The following CD274 variants were observed in gnomAD, a reference collection of about 807,000 sequenced individuals.
CD274 encodes the protein programmed cell death 1 ligand 1.
In CD274, 8 loss-of-function variants were observed where a neutral mutation model predicts 30.1. That is an observed-to-expected ratio of 0.27 (90% CI 0.16 to 0.48). CD274 has a LOEUF of 0.48. CD274 is among the 20% of genes least tolerant of loss of function. The probability of loss-of-function intolerance (pLI) is 0.99; values close to 1 mark genes in which losing one functional copy is unlikely to be tolerated. For synonymous variants in CD274, 152 were observed against 124.6 expected, an observed-to-expected ratio of 1.22 and a Z score of -1.46; for missense variants, 353 against 346.6, an observed-to-expected ratio of 1.02 and a Z score of -0.15.
Position 5,467,863 on chromosome 9 carries a change from T to A in CD274, c.*1T>A, listed in dbSNP as rs753268632. On this transcript the variant is annotated 3_prime_UTR_variant, in exon 7 of 7. Coordinates refer to ENST00000381577, the MANE Select transcript of CD274 (RefSeq NM_014143.4). Reference sequence around the variant, plus strand: ...AGATACACATTTGGAGGAGACGTAATCCAGCATTGGAACTTCTGATCTTCA... The same window carrying A: ...AGATACACATTTGGAGGAGACGTAAACCAGCATTGGAACTTCTGATCTTCA... 25 of 1,609,632 alleles carry A rather than the reference T, an allele frequency of 1.6e-5. No individual in the cohort carries two copies. The Admixed American group carries it at 4.2e-4, about 27-fold the overall frequency.
At position 5,455,702 on chromosome 9, in the gene CD274, G is replaced by C. The variant is rs549883515; in HGVS notation, c.-14-398G>C. The stretch of plus-strand genomic sequence containing the variant: ...GAAAAAGCATTGACAGGTTGGAAAA[G>C]TAAAAGTCAGATTCTCCTTGCTCTG... On this transcript the variant is annotated intron_variant, in intron 1 of 6. Coordinates refer to ENST00000381577, the MANE Select transcript of CD274 (RefSeq NM_014143.4). Among the ~76,000 whole-genome samples the C allele has an allele frequency of 2.6e-5, 4 of 152,314 alleles. No individual in the cohort carries two copies. In the South Asian group the frequency reaches 6.2e-4, roughly 24 times the overall value.
At chr9:5,451,978 C>T (rs1226650555) in intron 1 of CD274, among the ~76,000 whole-genome samples, 1 of 151,614 alleles carries the variant, frequency 6.6e-6, no homozygotes, top group African/African-American at 2.4e-5. Flanking sequence ...ACCATGCAGG[C>T]CTCTTGCTCC....
At chr9:5,453,316 C>G (rs2131204447) in intron 1 of CD274, among the ~76,000 whole-genome samples, 1 of 152,286 alleles carries the variant, frequency 6.6e-6, no homozygotes, top group South Asian at 2.1e-4. Context: ...ATGATCAGAT[C>G]TTTCAAATTA....
At chr9:5,461,104 T>C (rs1563804245) in intron 3 of CD274, among the ~76,000 whole-genome samples, 1 of 152,214 alleles carries the variant, frequency 6.6e-6, no homozygotes. Flanking sequence ...GGGTGAACTT[T>C]ATCATTAACA....
At chr9:5,455,832 G>A (rs1007812339) in intron 1 of CD274, among the ~76,000 whole-genome samples, 1 of 152,144 alleles carries the variant, frequency 6.6e-6, no homozygotes, top group Non-Finnish European at 1.5e-5. Flanking sequence ...CTTCTTTTGA[G>A]TGGGCAGATT....
At position 5,457,059 on chromosome 9, in the gene CD274, T is replaced by C. The variant is rs2131210762; in HGVS notation, c.53-20T>C. The C allele has an allele frequency of 6.5e-7, 1 of 1,544,598 alleles. No individual in the cohort carries two copies. Among genetic ancestry groups the C allele is most frequent in the African/African-American group, 1.4e-5 (1 of 73,326 alleles). On this transcript the variant is annotated intron_variant, in intron 2 of 6. Transcript: ENST00000381577. ...CGAGGAATTTTCCCTTTTCTGAAGA[T>C]TGTCCTTCTTTCTTTTTAGCATTTA...
chr9:5,451,985 C>T (rs1456329322), intron 1 of CD274, among the ~76,000 whole-genome samples: 1 of 151,010 alleles, frequency 6.6e-6, no homozygotes, highest in African/African-American at 2.4e-5. Flanking sequence ...AGGCCTCTTG[C>T]TCCTACTTTT....
intron 6 of CD274, among the ~76,000 whole-genome samples, chr9:5,467,094 G>A (rs1445411326): frequency 2.0e-5 from 3 of 152,014 alleles, no homozygotes; most frequent in Non-Finnish European, 2.9e-5. Context: ...TGACTTAGGT[G>A]GATGGATAAT....
intron 2 of CD274, among the ~76,000 whole-genome samples, chr9:5,456,806 A>T (rs1043329676): frequency 1.3e-5 from 2 of 152,240 alleles, no homozygotes; most frequent in Non-Finnish European, 2.9e-5. Context: ...CCATCTCCAT[A>T]TAATATTTAT....
chr9:5,467,180 C>A (rs541466757), intron 6 of CD274, among the ~76,000 whole-genome samples: 4 of 143,158 alleles, frequency 2.8e-5, no homozygotes, highest in African/African-American at 1.1e-4. Context: ...CTCATTTAAT[C>A]CCCCACCCCT....
chr9:5,465,070 G>C (rs1362471681), intron 4 of CD274, among the ~76,000 whole-genome samples: 1 of 139,420 alleles, frequency 7.2e-6, no homozygotes, highest in East Asian at 2.1e-4. Context: ...CTGGGCAACA[G>C]AGAAAGACTC....
intron 1 of CD274, among the ~76,000 whole-genome samples, chr9:5,453,522 A>T (rs560491481): frequency 1.3e-5 from 2 of 152,326 alleles, no homozygotes; most frequent in South Asian, 2.1e-4. Flanking sequence ...ACACACAAAT[A>T]CTTATGATAT....
chr9:5,469,621 CT>C lies in CD274; in HGVS notation c.*1762del, dbSNP rs1819554595. ...TCCCAGGGCTGAGGATCCATGCCTT[CT>C]TTGTTTCTAAGTTATCTTTCCCATA... On this transcript the variant is annotated 3_prime_UTR_variant, in exon 7 of 7. Coordinates refer to ENST00000381577, the MANE Select transcript of CD274 (RefSeq NM_014143.4). 1 of 232,042 alleles carries C rather than the reference CT, an allele frequency of 4.3e-6. No homozygotes were observed. The highest frequency in any genetic ancestry group is 1.8e-4 in the South Asian group (1 of 5,518). 14.4% of individuals were successfully genotyped at this position (232,042 alleles called of 1,614,324 possible).
At chr9:5,464,434 T>G (rs1254824802) in intron 4 of CD274, among the ~76,000 whole-genome samples, 3 of 152,132 alleles carry the variant, frequency 2.0e-5, no homozygotes, top group Non-Finnish European at 4.4e-5. Context: ...TGTTGTTGTG[T>G]CTTTAAAGTT....
intron 2 of CD274, 37 bp downstream of exon 2, chr9:5,456,202 T>C (rs1819299357): frequency 7.3e-7 from 1 of 1,361,736 alleles, no homozygotes; most frequent in African/African-American, 1.4e-5. Flanking sequence ...TTCTATATTT[T>C]AAATATTTTA....
intron 1 of CD274, among the ~76,000 whole-genome samples, chr9:5,452,481 T>A (rs1819225026): frequency 6.6e-6 from 1 of 152,266 alleles, no homozygotes; most frequent in Non-Finnish European, 1.5e-5. Flanking sequence ...CATTGCTCTT[T>A]AAATGTCTCC....
rs1288583492 is a variant in CD274 at position 5,462,975 on chromosome 9, C to T, written c.536C>T (p.Thr179Ile). The stretch of plus-strand genomic sequence containing the variant: ...GACCATCAAGTCCTGAGTGGTAAGA[C>T]CACCACCACCAATTCCAAGAGAGAG... ...SSDHQVLSGK[T>I]TTTNSKREEK... Residue 179 changes from threonine (T) to isoleucine (I), a missense_variant, in exon 4 of 7, where the codon ACC becomes ATC. By Grantham distance (89) the Thr-to-Ile change is moderately conservative (BLOSUM62 -1). Coordinates refer to ENST00000381577, the MANE Select transcript of CD274 (RefSeq NM_014143.4). 1 of 1,613,896 alleles carries T rather than the reference C, an allele frequency of 6.2e-7. No individual in the cohort carries two copies. Among genetic ancestry groups the T allele is most frequent in the Non-Finnish European group, 8.5e-7 (1 of 1,179,830 alleles).
intron 4 of CD274, among the ~76,000 whole-genome samples, chr9:5,465,103 A>AT (rs1554639124): frequency 6.6e-6 from 1 of 151,600 alleles, no homozygotes; most frequent in Non-Finnish European, 1.5e-5. Flanking sequence ...AAAAAAAAAA[A>AT]GCAAGAGGAA....
intron 4 of CD274, among the ~76,000 whole-genome samples, chr9:5,463,875 C>A (rs146914647): frequency 3.3e-5 from 5 of 151,774 alleles, no homozygotes; most frequent in Non-Finnish European, 7.4e-5. Context: ...CACTACTCTA[C>A]AGAAGTAGGT....
Sources: gnomAD v4.1 joint callset for allele counts (sites outside exome capture counted in the v4.1 genomes callset) on GRCh38, gnomAD v4.1.1 for gene constraint, MANE v1.5 for transcripts, NCBI Gene and HGNC (gene_info 2026-07-23, HGNC 2026-07-21) for gene names.